The following CELA2A variants were observed in gnomAD, a reference collection of about 807,000 sequenced individuals.
CELA2A encodes chymotrypsin-like elastase family member 2A.
CELA2A carries 31 observed loss-of-function variants against 35.3 expected under a neutral mutation model. The ratio of observed to expected loss-of-function variants is 0.88; its 90% CI spans 0.66 to 1.19. CELA2A has a LOEUF of 1.19. Ranked by LOEUF, CELA2A falls within the 50% of genes most tolerant of loss-of-function variation. CELA2A has a pLI of 0.00. For missense variants in CELA2A, 330 were observed against 352.9 expected, an observed-to-expected ratio of 0.94 and a Z score of 0.52; for synonymous variants, 150 against 149.8, an observed-to-expected ratio of 1.00 and a Z score of -0.01.
chr1:15,470,727 C>T (rs1708578949), intron 7 of CELA2A, among the ~76,000 whole-genome samples: 1 of 152,152 alleles, frequency 6.6e-6, no homozygotes, highest in Non-Finnish European at 1.5e-5. Context: ...ATTACAGGCA[C>T]ACACCACCAT....
At chr1:15,471,835 C>T (rs931396439) in intron 7 of CELA2A, among the ~76,000 whole-genome samples, 155 bp from the exon 8 acceptor site, 3 of 151,964 alleles carry the variant, frequency 2.0e-5, no homozygotes, top group East Asian at 1.9e-4. Flanking sequence ...TCTTTTTTTC[C>T]GAAACGTCAT....
chr1:15,458,679 G>A (rs1307896150), intron 2 of CELA2A, among the ~76,000 whole-genome samples: 1 of 151,964 alleles, frequency 6.6e-6, no homozygotes, highest in South Asian at 2.1e-4. Flanking sequence ...TTGGCAGGCC[G>A]AGGCAGGTGG....
chr1:15,468,643 CAA>C (rs1296893287), intron 7 of CELA2A, among the ~76,000 whole-genome samples: 1 of 151,940 alleles, frequency 6.6e-6, no homozygotes, highest in African/African-American at 2.4e-5. Context: ...TCTGTCTTTA[CAA>C]AAAAATTTTT....
chr1:15,462,865 C>A lies in CELA2A; in HGVS notation c.356+4C>A. 1 of 1,614,060 alleles carries A rather than the reference C, an allele frequency of 6.2e-7. No individual in the cohort carries two copies. The highest frequency in any genetic ancestry group is 8.5e-7 in the Non-Finnish European group (1 of 1,179,990). On this transcript the variant is annotated splice_donor_region_variant and intron_variant, in intron 4 of 7. Transcript: ENST00000359621. ...ACTCCAACCAAATCTCCAAAGGGTTCGTTTCTGTCTGGGTGCACTTGGGGG... is the reference window on the plus strand; with the variant it reads ...ACTCCAACCAAATCTCCAAAGGGTTAGTTTCTGTCTGGGTGCACTTGGGGG...
intron 5 of CELA2A, among the ~76,000 whole-genome samples, chr1:15,465,454 G>A (rs1237471587): frequency 1.3e-5 from 2 of 152,122 alleles, no homozygotes; most frequent in Non-Finnish European, 2.9e-5. Context: ...CACCACACCA[G>A]CATATTTTTC....
In CELA2A at chr1:15,457,165, G is replaced by A; in HGVS notation, c.120G>A (p.Trp40Ter). 1 of 1,614,124 alleles carries A rather than the reference G, an allele frequency of 6.2e-7. No individual in the cohort carries two copies. Among genetic ancestry groups the A allele is most frequent in the Non-Finnish European group, 8.5e-7 (1 of 1,180,008 alleles). The change falls in exon 2 of 8, where the codon TGG (tryptophan) becomes TGA (stop). Residue 40 changes from tryptophan (W) to a stop codon, truncating the protein, a stop_gained. Coordinates refer to ENST00000359621, the MANE Select transcript of CELA2A (RefSeq NM_033440.3). LOFTEE classifies it high-confidence loss of function. ...GTGAAGAAGCGAGGCCCAACAGCTG[G>A]CCCTGGCAGGTGAGTTGACCACACT... ...VGGEEARPNS[W>*]PWQVSLQYSS...
At chr1:15,467,270 T>C (rs760325793) in intron 6 of CELA2A, 116 bp from the exon 7 acceptor site, 25 of 1,081,482 alleles carry the variant, frequency 2.3e-5, no homozygotes, top group Middle Eastern at 2.2e-4. Flanking sequence ...ACCACAAGGG[T>C]CAGCTTCCGA....
At chr1:15,464,668 G>A (rs111783420) in intron 5 of CELA2A, among the ~76,000 whole-genome samples, 7 of 152,258 alleles carry the variant, frequency 4.6e-5, no homozygotes, top group South Asian at 2.1e-4. Flanking sequence ...CAAATCCTGC[G>A]GTGAGCGGTG....
chr1:15,469,187 A>G (rs1429283797), intron 7 of CELA2A, among the ~76,000 whole-genome samples: 1 of 152,152 alleles, frequency 6.6e-6, no homozygotes, highest in African/African-American at 2.4e-5. Context: ...CAAAAGAAAA[A>G]AAAACACACA....
chr1:15,467,334 T>G, intron 6 of CELA2A, 52 bp from the exon 7 acceptor site: 1 of 1,573,894 alleles, frequency 6.4e-7, no homozygotes, highest in Non-Finnish European at 8.7e-7. Context: ...ATGGTTCCAA[T>G]GGGCAGCCCC....
intron 2 of CELA2A, among the ~76,000 whole-genome samples, chr1:15,461,146 T>C (rs906862998): frequency 2.0e-5 from 3 of 152,160 alleles, no homozygotes; most frequent in African/African-American, 7.2e-5. Context: ...ACCACCCTCA[T>C]GATTCAATTA....
chr1:15,461,423 T>G (rs1708431915), intron 2 of CELA2A, 138 bp from the exon 3 acceptor site: 1 of 785,110 alleles, frequency 1.3e-6, no homozygotes, highest in Admixed American at 2.8e-5. Context: ...AGGTTTTGGG[T>G]GCTGCCTTAA....
At chr1:15,470,411 A>G (rs72865191) in intron 7 of CELA2A, among the ~76,000 whole-genome samples, 1 of 152,160 alleles carries the variant, frequency 6.6e-6, no homozygotes, top group Non-Finnish European at 1.5e-5. Context: ...ATGTCCATTG[A>G]ATGACAGTCA....
intron 3 of CELA2A, 71 bp from the exon 4 acceptor site, chr1:15,462,662 G>A (rs531628579): frequency 2.5e-6 from 4 of 1,584,562 alleles, no homozygotes; most frequent in Admixed American, 1.8e-5. Context: ...CAGTTACTTG[G>A]GTCTATCCCC....
chr1:15,470,946 C>T (rs769824902), intron 7 of CELA2A, among the ~76,000 whole-genome samples: 6 of 152,122 alleles, frequency 3.9e-5, no homozygotes, highest in African/African-American at 9.7e-5. Context: ...TATATATTTA[C>T]GTAGATAGAC....
chr1:15,467,593 G>A (rs1229694890), intron 7 of CELA2A, 55 bp downstream of exon 7: 24 of 1,588,904 alleles, frequency 1.5e-5, no homozygotes, highest in Middle Eastern at 1.7e-4. Context: ...ACCTGGCCTC[G>A]GGAGTGCCAT....
At chr1:15,463,012 T>A (rs960809069) in intron 4 of CELA2A, 151 bp downstream of exon 4, 30 of 1,207,642 alleles carry the variant, frequency 2.5e-5, no homozygotes, top group Admixed American at 4.2e-5. Flanking sequence ...TGGAACCAGC[T>A]CCAAAGATGT....
chr1:15,463,486 T>C lies in CELA2A; in HGVS notation c.457T>C (p.Tyr153His). 1 of 1,613,828 alleles carries C rather than the reference T, an allele frequency of 6.2e-7. No individual in the cohort carries two copies. The highest frequency in any genetic ancestry group is 1.3e-5 in the African/African-American group (1 of 74,992). The change falls in exon 5 of 8, where the codon TAC becomes CAC. Residue 153 changes from tyrosine (Y) to histidine (H), a missense_variant. Coordinates refer to ENST00000359621, the MANE Select transcript of CELA2A (RefSeq NM_033440.3). ...TGCCGGCACCATTCTACCCAACAAC[T>C]ACCCCTGCTACGTCACGGGCTGGGG... is the stretch of plus-strand genomic sequence containing the variant. Reference protein sequence around the residue: ...PPAGTILPNNYPCYVTGWGRL... With the variant: ...PPAGTILPNNHPCYVTGWGRL...
intron 2 of CELA2A, among the ~76,000 whole-genome samples, chr1:15,460,333 G>A (rs988681447): frequency 6.6e-6 from 1 of 151,928 alleles, no homozygotes; most frequent in Non-Finnish European, 1.5e-5. Flanking sequence ...ATCCTTTTAA[G>A]TATCTTTTTT....
Sources: gnomAD v4.1 joint callset for allele counts (sites outside exome capture counted in the v4.1 genomes callset) on GRCh38, gnomAD v4.1.1 for gene constraint, MANE v1.5 for transcripts, NCBI Gene and HGNC (gene_info 2026-07-23, HGNC 2026-07-21) for gene names.